Variants in ZNF718 observed in about 807,000 individuals in gnomAD.
ZNF718 encodes the protein zinc finger protein 718.
A neutral mutation model predicts 2.6 loss-of-function variants in ZNF718; 3 were observed. The observed-to-expected ratio is 1.16, with a 90% CI of 0.53 to 3.01. ZNF718 has a LOEUF of 3.01. ZNF718 is among the 30% of genes most tolerant of loss of function. The pLI, the probability that ZNF718 is intolerant of heterozygous loss-of-function variation, is 0.03. For synonymous variants in ZNF718, 135 were observed against 77.9 expected, an observed-to-expected ratio of 1.73 and a Z score of -3.86; for missense variants, 468 against 230.0, an observed-to-expected ratio of 2.03 and a Z score of -6.69.
chr4:134,874 A>G (rs764415387), intron 3 of ZNF718, among the ~76,000 whole-genome samples: 2 of 152,110 alleles, frequency 1.3e-5, no homozygotes, highest in African/African-American at 4.8e-5. Context: ...TCACTTGAGC[A>G]TAGGAGTTTA....
rs1453640855 is a variant in ZNF718 at position 127,372 on chromosome 4, C to T, written c.3+2699C>T. ...GATTTCTACAAAAATCACTTCAGGA[C>T]AGCAATCAGTTATTTCACCTCCTTC... On this transcript the variant is annotated intron_variant, in intron 1 of 3. Coordinates refer to ENST00000510175, the MANE Select transcript of ZNF718 (RefSeq NM_001039127.6). 3.8e-5 allele frequency among the ~76,000 whole-genome samples: 4 copies of T among 104,204 alleles called. 2 individuals carry two copies. Among genetic ancestry groups the T allele is most frequent in the Non-Finnish European group, 8.6e-5 (4 of 46,720 alleles). 68.4% of individuals were successfully genotyped at this position (104,204 alleles called of 152,430 possible).
At position 161,822 on chromosome 4, in the gene ZNF718, C is replaced by T. The variant is rs1553815388; in HGVS notation, c.1137C>T (p.Ser379=). Residue 379 remains serine (S), a synonymous_variant, in exon 4 of 4, where the codon TCC becomes TCT. Transcript: ENST00000510175. ...AATGTGGAAAAGCCTTTAATTGGTC[C>T]TCAACCCTTAATGTACACAAGAGAA... ...CEECGKAFNW[S]STLNVHKRIH... 1 of 780,816 alleles carries T rather than the reference C, an allele frequency of 1.3e-6. No individual in the cohort carries two copies. Among genetic ancestry groups the T allele is most frequent in the Admixed American group, 1.7e-5 (1 of 59,002 alleles). 48.4% of individuals were successfully genotyped at this position (780,816 alleles called of 1,614,324 possible).
chr4:142,243 A>G (rs1234555828), intron 3 of ZNF718, among the ~76,000 whole-genome samples: 2 of 152,244 alleles, frequency 1.3e-5, no homozygotes, highest in Non-Finnish European at 2.9e-5. Context: ...CTTCTATCAT[A>G]AAACTCTTAC....
At chr4:141,076 T>G (rs1553810164) in intron 3 of ZNF718, among the ~76,000 whole-genome samples, 1 of 152,236 alleles carries the variant, frequency 6.6e-6, no homozygotes, top group African/African-American at 2.4e-5. Flanking sequence ...TCCATATCCA[T>G]TAGTTCAGGA....
chr4:145,569 C>T (rs1716013288), intron 3 of ZNF718, among the ~76,000 whole-genome samples: 1 of 152,120 alleles, frequency 6.6e-6, no homozygotes, highest in Admixed American at 6.5e-5. Flanking sequence ...CTCAAGCAAT[C>T]TTCCCACCTT....
At chr4:171,087 C>T (rs1463653602) in intron 3 of ZNF718, among the ~76,000 whole-genome samples, 1 of 152,196 alleles carries the variant, frequency 6.6e-6, no homozygotes, top group Non-Finnish European at 1.5e-5. Flanking sequence ...AGCTTCAGGT[C>T]TGTTGGAGTT....
intron 1 of ZNF718, chr4:124,998 C>T (rs1423316919): frequency 3.3e-6 from 1 of 303,570 alleles, no homozygotes; most frequent in South Asian, 3.6e-5. Context: ...CCCTACTTTA[C>T]CCTGTTCAGA....
chr4:199,602 A>T (rs1171576308), intron 3 of ZNF718, among the ~76,000 whole-genome samples: 1 of 152,228 alleles, frequency 6.6e-6, no homozygotes, highest in African/African-American at 2.4e-5. Flanking sequence ...CTGATGAGAG[A>T]GATAAGATTC....
intron 3 of ZNF718, among the ~76,000 whole-genome samples, chr4:192,993 G>T (rs1005691259): frequency 2.0e-5 from 3 of 152,124 alleles, no homozygotes; most frequent in Admixed American, 2.0e-4. Flanking sequence ...GTTTGGTGAA[G>T]AATTTTAAGT....
At chr4:196,418 A>G (rs539081991) in intron 3 of ZNF718, among the ~76,000 whole-genome samples, 32 of 152,046 alleles carry the variant, frequency 2.1e-4, no homozygotes, top group African/African-American at 7.0e-4. Flanking sequence ...GCTTCCTTAG[A>G]TACCTTTGGA....
chr4:172,115 C>G (rs1468501132), intron 3 of ZNF718, among the ~76,000 whole-genome samples: 4 of 152,128 alleles, frequency 2.6e-5, no homozygotes, highest in Non-Finnish European at 4.4e-5. Flanking sequence ...AGTCACCATG[C>G]TGTACAATAA....
intron 3 of ZNF718, among the ~76,000 whole-genome samples, chr4:172,091 C>G (rs74382023): frequency 6.6e-6 from 1 of 152,042 alleles, no homozygotes; most frequent in Admixed American, 6.5e-5. Context: ...AAGCATATAC[C>G]GTACATGGTG....
At chr4:191,826 C>A (rs187991134) in intron 3 of ZNF718, among the ~76,000 whole-genome samples, 17 of 152,250 alleles carry the variant, frequency 1.1e-4, no homozygotes, top group Admixed American at 2.0e-4. Context: ...CAAGATGGGG[C>A]GGGCCGCTCC....
rs1354883652 is a variant in ZNF718 at position 182,404 on chromosome 4, A to ATT, written c.227-18676_227-18675insTT. Among the ~76,000 whole-genome samples, 358 of 147,746 alleles carry ATT rather than the reference A, an allele frequency of 2.4e-3. 1 individual carries two copies. Among genetic ancestry groups the ATT allele is most frequent in the Middle Eastern group, 6.9e-3 (2 of 288 alleles). ...CTCATTGTAGTTTTGATTTTGATTT[A>ATT]TATTTATTTATTTATTTATTTATTT... On this transcript the variant is annotated intron_variant and NMD_transcript_variant, in intron 3 of 4. Coordinates refer to the ZNF718 transcript ENST00000642529.
chr4:200,368 A>G (rs961430354), intron 3 of ZNF718, among the ~76,000 whole-genome samples: 6 of 152,178 alleles, frequency 3.9e-5, no homozygotes, highest in Non-Finnish European at 8.8e-5. Flanking sequence ...GTCCTGATTC[A>G]GGCAATTTTT....
chr4:195,093 T>TTTACC (rs1717765927), intron 3 of ZNF718, among the ~76,000 whole-genome samples: 2 of 152,312 alleles, frequency 1.3e-5, no homozygotes, highest in African/African-American at 4.8e-5. Context: ...GGGTGAGTCC[T>TTTACC]AGAGCTGGGC....
At chr4:125,819 A>C (rs564319957) in intron 1 of ZNF718, among the ~76,000 whole-genome samples, 1 of 152,304 alleles carries the variant, frequency 6.6e-6, no homozygotes, top group African/African-American at 2.4e-5. Context: ...ACAGGGTTCT[A>C]CCCTCAGGAA....
intron 3 of ZNF718, among the ~76,000 whole-genome samples, chr4:198,867 A>C (rs1259299351): frequency 6.6e-6 from 1 of 152,192 alleles, no homozygotes; most frequent in Non-Finnish European, 1.5e-5. Flanking sequence ...GACTGTGTGC[A>C]TGTCACCATA....
intron 3 of ZNF718, among the ~76,000 whole-genome samples, chr4:172,471 A>T (rs1228790605): frequency 6.6e-6 from 1 of 152,218 alleles, no homozygotes; most frequent in Non-Finnish European, 1.5e-5. Flanking sequence ...AATTTGTGCC[A>T]AACACTAAAA....
Sources: allele counts gnomAD v4.1 joint callset (sites outside exome capture counted in the v4.1 genomes callset), GRCh38; gene constraint gnomAD v4.1.1; transcripts MANE v1.5; gene names NCBI Gene and HGNC (gene_info 2026-07-23, HGNC 2026-07-21).